ADAM18: variants seen among roughly 807,000 people sequenced by gnomAD.
ADAM18 encodes disintegrin and metalloproteinase domain-containing protein 18.
ADAM18 carries 117 observed loss-of-function variants against 94.4 expected under a neutral mutation model. The observed-to-expected ratio is 1.24, with a 90% CI of 1.07 to 1.45. ADAM18 has a LOEUF of 1.45. ADAM18 is among the 40% of genes most tolerant of loss of function. The pLI is 0.00. For synonymous variants in ADAM18, 327 were observed against 291.6 expected, an observed-to-expected ratio of 1.12 and a Z score of -1.24; for missense variants, 936 against 880.0, an observed-to-expected ratio of 1.06 and a Z score of -0.81.
At chr8:39,713,061 A>C (rs1396556818) in intron 18 of ADAM18, among the ~76,000 whole-genome samples, 1 of 152,236 alleles carries the variant, frequency 6.6e-6, no homozygotes, top group Non-Finnish European at 1.5e-5. Flanking sequence ...TACAGTAACC[A>C]AAAGAGCATG....
intron 18 of ADAM18, among the ~76,000 whole-genome samples, chr8:39,715,484 A>C (rs2129581590): frequency 6.6e-6 from 1 of 151,718 alleles, no homozygotes; most frequent in Non-Finnish European, 1.5e-5. Context: ...GAAAAAAAAA[A>C]GCAAATCAAT....
chr8:39,696,747 C>T (rs1821937676), intron 17 of ADAM18, among the ~76,000 whole-genome samples: 1 of 151,554 alleles, frequency 6.6e-6, no homozygotes, highest in African/African-American at 2.4e-5. Context: ...TGCCAAACCA[C>T]ATTGTTTTCA....
In ADAM18 at chr8:39,710,966, A is replaced by T. The variant is rs980551985; in HGVS notation, c.2017+4062A>T. 6.6e-5 allele frequency among the ~76,000 whole-genome samples: 10 copies of T among 152,348 alleles called. No homozygotes were observed. In the South Asian group the frequency reaches 2.1e-3, roughly 32 times the overall value. Reference sequence around the variant, plus strand: ...TCACCTGAGGCTAATTCCTAGGCTCAGCGAAAGTCTGGCTCAGTGTAAAAG... The same window carrying T: ...TCACCTGAGGCTAATTCCTAGGCTCTGCGAAAGTCTGGCTCAGTGTAAAAG... On this transcript the variant is annotated intron_variant, in intron 18 of 19. Coordinates refer to ENST00000265707, the MANE Select transcript of ADAM18 (RefSeq NM_014237.3).
chr8:39,689,225 T>C (rs964327890), intron 16 of ADAM18, among the ~76,000 whole-genome samples: 2 of 152,240 alleles, frequency 1.3e-5, no homozygotes, highest in African/African-American at 4.8e-5. Flanking sequence ...ATCTCATTTG[T>C]TAATTTTTGC....
chr8:39,696,167 C>T (rs755477219), intron 17 of ADAM18, among the ~76,000 whole-genome samples: 1 of 151,232 alleles, frequency 6.6e-6, no homozygotes, highest in Non-Finnish European at 1.5e-5. Flanking sequence ...GCTTTATTTC[C>T]CTTATTGGCA....
At chr8:39,664,774 C>T (rs1820946993) in intron 13 of ADAM18, among the ~76,000 whole-genome samples, 1 of 151,944 alleles carries the variant, frequency 6.6e-6, no homozygotes, top group Admixed American at 6.6e-5. Flanking sequence ...ATATATTGTA[C>T]AAGAGTTAGT....
In ADAM18 at chr8:39,723,884, CAG is replaced by C; in HGVS notation, c.2160_2161del (p.Asn721CysfsTer4). Reference protein sequence around the residue: ...KRNEISKSCNRENAEYNRNSS... With the variant: ...KRNEISKSCNXENAEYNRNSS... ...GAAATGAAATAAGTAAATCATGTAA[CAG>C]AGAGAATGCAGAGTATAATCGGTAA... On this transcript the variant is annotated frameshift_variant, in exon 19 of 20. Transcript: ENST00000265707. LOFTEE classifies it low-confidence loss of function (END_TRUNC). 1 of 1,552,578 alleles carries C rather than the reference CAG, an allele frequency of 6.4e-7. No individual in the cohort carries two copies. The highest frequency in any genetic ancestry group is 8.7e-7 in the Non-Finnish European group (1 of 1,146,740).
chr8:39,586,616 G>C (rs1372761286), intron 2 of ADAM18, among the ~76,000 whole-genome samples: 1 of 152,072 alleles, frequency 6.6e-6, no homozygotes, highest in Non-Finnish European at 1.5e-5. Flanking sequence ...AGTCCCAGCT[G>C]TTCTGGAGGC....
At chr8:39,698,365 G>A (rs1821981512) in intron 17 of ADAM18, among the ~76,000 whole-genome samples, 2 of 151,344 alleles carry the variant, frequency 1.3e-5, no homozygotes, top group East Asian at 3.9e-4. Flanking sequence ...TAATTATTTG[G>A]CATATTCTTT....
intron 16 of ADAM18, among the ~76,000 whole-genome samples, chr8:39,685,961 A>G (rs777252134): frequency 1.3e-5 from 2 of 152,204 alleles, no homozygotes; most frequent in East Asian, 1.9e-4. Flanking sequence ...CCTCATTTCA[A>G]TTGAGACCTC....
At position 39,724,210 on chromosome 8, in the gene ADAM18, A is replaced by G. The variant is rs62511928; in HGVS notation, c.2177+303A>G. Among the ~76,000 whole-genome samples, 1,183 of 151,744 alleles carry G rather than the reference A, an allele frequency of 7.8e-3. 6 individuals are homozygous for G. Among genetic ancestry groups the G allele is most frequent in the Non-Finnish European group, 0.012 (812 of 67,668 alleles). On this transcript the variant is annotated intron_variant, in intron 19 of 19. Coordinates refer to ENST00000265707, the MANE Select transcript of ADAM18 (RefSeq NM_014237.3). Reference sequence around the variant, plus strand: ...CCCTTCTAGTTAGATCTCATTACACATTGGTGTTGGTTTTACTTACCATTT... The same window carrying G: ...CCCTTCTAGTTAGATCTCATTACACGTTGGTGTTGGTTTTACTTACCATTT...
intron 13 of ADAM18, among the ~76,000 whole-genome samples, chr8:39,665,622 T>C (rs1042278574): frequency 6.6e-6 from 1 of 152,218 alleles, no homozygotes; most frequent in South Asian, 2.1e-4. Context: ...ATAAAATATA[T>C]GGTTTTGTGT....
At chr8:39,610,396 GA>G in intron 5 of ADAM18, 132 bp from the exon 6 acceptor site, 1 of 1,186,792 alleles carries the variant, frequency 8.4e-7, no homozygotes, top group Non-Finnish European at 1.1e-6. Context: ...AAAAATAATG[GA>G]AAAAGAAAAT....
intron 10 of ADAM18, among the ~76,000 whole-genome samples, 188 bp from the exon 11 acceptor site, chr8:39,645,150 T>C (rs1820343677): frequency 6.6e-6 from 1 of 152,194 alleles, no homozygotes. Flanking sequence ...ATAGTTTGAT[T>C]ACTTGTTTCA....
intron 6 of ADAM18, among the ~76,000 whole-genome samples, chr8:39,617,082 C>A (rs897977210): frequency 6.6e-6 from 1 of 152,040 alleles, no homozygotes; most frequent in Non-Finnish European, 1.5e-5. Context: ...AAACAGACAA[C>A]CTACAGAATG....
chr8:39,704,536 A>G (rs181751028), intron 17 of ADAM18, among the ~76,000 whole-genome samples: 1 of 152,262 alleles, frequency 6.6e-6, no homozygotes, highest in Non-Finnish European at 1.5e-5. Context: ...ATCATTTTTA[A>G]TGTTTTATCT....
At chr8:39,703,998 C>A (rs1263360161) in intron 17 of ADAM18, among the ~76,000 whole-genome samples, 1 of 151,926 alleles carries the variant, frequency 6.6e-6, no homozygotes, top group Non-Finnish European at 1.5e-5. Flanking sequence ...TACACTCTCC[C>A]AAGAATGAAC....
intron 12 of ADAM18, among the ~76,000 whole-genome samples, chr8:39,662,926 C>T (rs1031470377): frequency 1.3e-5 from 2 of 152,086 alleles, no homozygotes; most frequent in African/African-American, 4.8e-5. Context: ...CACCCAGCCC[C>T]TATTTGAATA....
At chr8:39,616,533 A>G (rs1354660852) in intron 6 of ADAM18, among the ~76,000 whole-genome samples, 1 of 152,204 alleles carries the variant, frequency 6.6e-6, no homozygotes, top group African/African-American at 2.4e-5. Context: ...TAAAATTCAT[A>G]TGGGACCAAA....
Sources: gnomAD v4.1 joint callset for allele counts (sites outside exome capture counted in the v4.1 genomes callset) on GRCh38, gnomAD v4.1.1 for gene constraint, MANE v1.5 for transcripts, NCBI Gene and HGNC (gene_info 2026-07-23, HGNC 2026-07-21) for gene names.